Variants in LINGO2 observed in about 807,000 individuals in gnomAD.
LINGO2 encodes the protein leucine-rich repeat and immunoglobulin-like domain-containing nogo receptor-interacting protein 2.
Under a neutral mutation model 30.6 loss-of-function variants are expected in LINGO2, and 14 were observed. That is an observed-to-expected ratio of 0.46 (90% CI 0.30 to 0.72). The LOEUF (loss-of-function observed/expected upper bound fraction) is 0.72, where lower values mean the gene tolerates loss of function less well. Among genes scored for constraint, LINGO2 ranks in the 30% least tolerant of loss-of-function variants. The pLI is 0.07. For synonymous variants in LINGO2, 317 were observed against 288.5 expected, an observed-to-expected ratio of 1.10 and a Z score of -1.00; for missense variants, 729 against 751.7, an observed-to-expected ratio of 0.97 and a Z score of 0.35.
chr9:28,507,142 C>T lies in LINGO2; in HGVS notation c.-364-31117G>A, dbSNP rs376822606. On this transcript the variant is annotated intron_variant, in intron 1 of 5. Transcript: ENST00000379992. The stretch of plus-strand genomic sequence containing the variant: ...ATGATGTCCCATGAATGGCAACTCT[C>T]GCTGATTGAGGCTTTTTATCCTGGA... Among the ~76,000 whole-genome samples, 11 of 152,084 alleles carry T rather than the reference C, an allele frequency of 7.2e-5. No homozygotes were observed. The East Asian group carries it at 7.7e-4, about 11-fold the overall frequency.
the LINGO2 span, among the ~76,000 whole-genome samples, chr9:28,691,773 T>C: frequency 6.6e-6 from 1 of 152,200 alleles, no homozygotes; most frequent in Admixed American, 6.5e-5. Flanking sequence ...AAAGCTTGTG[T>C]ACTAATAGGA....
chr9:28,045,624 A>C (rs1824385590), intron 4 of LINGO2, among the ~76,000 whole-genome samples: 1 of 152,178 alleles, frequency 6.6e-6, no homozygotes, highest in Non-Finnish European at 1.5e-5. Flanking sequence ...TTTTCTTCTT[A>C]CTCTTGTCAT....
chr9:28,661,746 T>C (rs548001533), intron 1 of LINGO2, among the ~76,000 whole-genome samples: 16 of 152,246 alleles, frequency 1.1e-4, no homozygotes, highest in Admixed American at 1.0e-3. Flanking sequence ...GCCAATGGGA[T>C]AGAGTTTCTT....
At chr9:29,156,063 G>T in the LINGO2 span, among the ~76,000 whole-genome samples, 4 of 152,096 alleles carry the variant, frequency 2.6e-5, no homozygotes, top group Non-Finnish European at 5.9e-5. Context: ...GTAGCCCTTA[G>T]AATTAAAGCT....
At chr9:28,971,371 G>A in the LINGO2 span, among the ~76,000 whole-genome samples, 3 of 152,160 alleles carry the variant, frequency 2.0e-5, no homozygotes, top group Admixed American at 1.3e-4. Context: ...ACTCTTAGAT[G>A]GCATTTCTGG....
chr9:28,344,604 C>T lies in LINGO2; in HGVS notation c.-246+28232G>A, dbSNP rs138147034. 6.6e-4 allele frequency among the ~76,000 whole-genome samples: 100 copies of T among 152,074 alleles called. 1 individual carries two copies. The highest frequency in any genetic ancestry group is 2.1e-3 in the African/African-American group (89 of 41,508). On this transcript the variant is annotated intron_variant, in intron 3 of 5. Coordinates refer to ENST00000379992, the Ensembl canonical transcript of LINGO2. ...GATTATTTTTATTCTTTTCTGTTTG[C>T]TTTTGTGGATCAAATTAAATTTATG...
intron 1 of LINGO2, among the ~76,000 whole-genome samples, chr9:28,634,320 T>G (rs1827147142): frequency 6.6e-6 from 1 of 152,046 alleles, no homozygotes; most frequent in Middle Eastern, 3.2e-3. Context: ...AAATTTACTA[T>G]AAGTTGCATA....
the LINGO2 span, among the ~76,000 whole-genome samples, chr9:28,735,209 G>C: frequency 6.6e-6 from 1 of 152,136 alleles, no homozygotes; most frequent in Non-Finnish European, 1.5e-5. Flanking sequence ...GTTGAAGGGA[G>C]AGAGGAAACC....
At chr9:28,226,981 C>T (rs796703089) in intron 4 of LINGO2, among the ~76,000 whole-genome samples, 26 of 152,202 alleles carry the variant, frequency 1.7e-4, no homozygotes, top group African/African-American at 5.8e-4. Flanking sequence ...TATCAGTCAG[C>T]TTGTAGGTAG....
chr9:28,180,830 GACACAC>G, intron 4 of LINGO2, among the ~76,000 whole-genome samples: 1 of 150,810 alleles, frequency 6.6e-6, no homozygotes, highest in East Asian at 1.9e-4. Context: ...TTCACACATA[GACACAC>G]ACACACACAC....
At chr9:28,283,322 T>C (rs1195417471) in intron 4 of LINGO2, among the ~76,000 whole-genome samples, 2 of 152,180 alleles carry the variant, frequency 1.3e-5, no homozygotes, top group Admixed American at 6.5e-5. Context: ...CAGATGATTG[T>C]TGACATTATC....
intron 5 of LINGO2, among the ~76,000 whole-genome samples, chr9:27,988,835 T>C (rs533530126): frequency 6.6e-6 from 1 of 152,062 alleles, no homozygotes; most frequent in African/African-American, 2.4e-5. Flanking sequence ...GCAGCTATCA[T>C]TGATTCCTGT....
chr9:28,610,613 G>C (rs1005746854), intron 1 of LINGO2, among the ~76,000 whole-genome samples: 3 of 152,156 alleles, frequency 2.0e-5, no homozygotes, highest in Non-Finnish European at 4.4e-5. Flanking sequence ...TGAAAGCAGA[G>C]ACCAGGATTT....
At chr9:28,565,588 G>T (rs1823334301) in intron 1 of LINGO2, among the ~76,000 whole-genome samples, 1 of 151,174 alleles carries the variant, frequency 6.6e-6, no homozygotes, top group African/African-American at 2.4e-5. Context: ...GTCTCGCTCT[G>T]TCGCCCAGGC....
the LINGO2 span, among the ~76,000 whole-genome samples, chr9:28,753,983 T>G: frequency 6.7e-6 from 1 of 149,352 alleles, no homozygotes. Flanking sequence ...ACTTTAATTT[T>G]TATTAAATTA....
At chr9:28,238,874 A>G (rs1348720325) in intron 4 of LINGO2, among the ~76,000 whole-genome samples, 1 of 152,086 alleles carries the variant, frequency 6.6e-6, no homozygotes, top group Non-Finnish European at 1.5e-5. Context: ...AAAGATGAAC[A>G]AAATTAACAA....
the LINGO2 span, among the ~76,000 whole-genome samples, chr9:28,857,842 T>C: frequency 2.5e-3 from 375 of 152,168 alleles, 1 homozygote; most frequent in Non-Finnish European, 4.2e-3. Flanking sequence ...ATATTTTGGA[T>C]ACATTGGATT....
chr9:28,863,238 A>G, the LINGO2 span, among the ~76,000 whole-genome samples: 1 of 152,138 alleles, frequency 6.6e-6, no homozygotes, highest in African/African-American at 2.4e-5. Flanking sequence ...TAATATATTA[A>G]TTGGGCATAA....
chr9:28,883,245 A>G, the LINGO2 span, among the ~76,000 whole-genome samples: 2 of 151,598 alleles, frequency 1.3e-5, no homozygotes, highest in Non-Finnish European at 2.9e-5. Flanking sequence ...CCTAGCCTGG[A>G]GTGTAGGGGT....
Sources: allele counts gnomAD v4.1 joint callset (sites outside exome capture counted in the v4.1 genomes callset), GRCh38; gene constraint gnomAD v4.1.1; transcripts MANE v1.5; gene names NCBI Gene and HGNC (gene_info 2026-07-23, HGNC 2026-07-21).